The following EHBP1 variants were observed in gnomAD, a reference collection of about 807,000 sequenced individuals.
EHBP1 encodes the protein EH domain-binding protein 1.
In EHBP1, 55 loss-of-function variants were observed where a neutral mutation model predicts 144.0. The ratio of observed to expected loss-of-function variants is 0.38; its 90% CI spans 0.31 to 0.48. The LOEUF is 0.48. Among genes scored for constraint, EHBP1 ranks in the 20% least tolerant of loss-of-function variants. The probability of loss-of-function intolerance (pLI) is 0.98; values close to 1 mark genes in which losing one functional copy is unlikely to be tolerated. For missense variants in EHBP1, 1,200 were observed against 1,364.2 expected (o/e 0.88, Z 1.90); for synonymous variants, 469 against 472.7 (o/e 0.99, Z 0.10).
chr2:62,774,449 A>G (rs1463488242), intron 5 of EHBP1, among the ~76,000 whole-genome samples: 1 of 152,058 alleles, frequency 6.6e-6, no homozygotes, highest in African/African-American at 2.4e-5. Flanking sequence ...CCAAAATTTG[A>G]TATAAGTAGA....
chr2:63,014,625 A>G (rs1387589831), intron 19 of EHBP1, among the ~76,000 whole-genome samples: 5 of 152,220 alleles, frequency 3.3e-5, no homozygotes, highest in African/African-American at 9.6e-5. Flanking sequence ...ATTTCTTACC[A>G]TATCCATCCA....
intron 1 of EHBP1, among the ~76,000 whole-genome samples, chr2:62,686,084 A>G (rs1488683973): frequency 1.3e-5 from 2 of 152,122 alleles, no homozygotes; most frequent in Non-Finnish European, 2.9e-5. Context: ...GTTAATTCCT[A>G]GTTTGACTTT....
chr2:62,731,617 A>G (rs147433460), intron 2 of EHBP1, among the ~76,000 whole-genome samples: 14 of 152,202 alleles, frequency 9.2e-5, no homozygotes, highest in Non-Finnish European at 2.1e-4. Flanking sequence ...CATGAATGGC[A>G]TTGGATTTTG....
chr2:62,772,710 C>T (rs1435082688), intron 5 of EHBP1, among the ~76,000 whole-genome samples: 2 of 152,220 alleles, frequency 1.3e-5, no homozygotes, highest in Non-Finnish European at 2.9e-5. Flanking sequence ...TTAGCTTTTA[C>T]CATTGCCATC....
intron 6 of EHBP1, among the ~76,000 whole-genome samples, chr2:62,829,719 G>GTTTATAATTATTTATAATTA (rs1558746753): frequency 6.9e-6 from 1 of 144,684 alleles, no homozygotes; most frequent in African/African-American, 2.5e-5. Flanking sequence ...ATATAAATAC[G>GTTTATAATTATTTATAATTA]TAATATTTAT....
intron 18 of EHBP1, among the ~76,000 whole-genome samples, chr2:62,995,350 TTAA>T (rs963136842): frequency 2.6e-4 from 40 of 152,044 alleles, no homozygotes; most frequent in African/African-American, 8.9e-4. Context: ...CATAATCAAT[TTAA>T]TAATAAGTTG....
chr2:62,690,188 CTCCT>C (rs1243541338), intron 1 of EHBP1, among the ~76,000 whole-genome samples: 1 of 152,126 alleles, frequency 6.6e-6, no homozygotes, highest in Non-Finnish European at 1.5e-5. Context: ...CTCTGGGTGC[CTCCT>C]TGGGGGTAGC....
At position 62,831,781 on chromosome 2, in the gene EHBP1, A is replaced by G. The variant is rs201586096; in HGVS notation, c.634+623A>G. Among the ~76,000 whole-genome samples, 4 of 152,316 alleles carry G rather than the reference A, an allele frequency of 2.6e-5. No individual in the cohort carries two copies. In the East Asian group the frequency reaches 7.7e-4, roughly 29 times the overall value. ...TGTGAAAATTAAGCACAATTTACAT[A>G]TTCCTTTTAGTTAAATTAATTGCTC... On this transcript the variant is annotated intron_variant, in intron 7 of 22. Transcript: ENST00000431489.
At chr2:62,898,428 ATAT>A (rs1362014766) in intron 10 of EHBP1, among the ~76,000 whole-genome samples, 1 of 152,204 alleles carries the variant, frequency 6.6e-6, no homozygotes, top group Non-Finnish European at 1.5e-5. Context: ...CTTGATGTAT[ATAT>A]TATCTTTCAC....
At chr2:62,697,901 C>A (rs1396813873) in intron 1 of EHBP1, among the ~76,000 whole-genome samples, 1 of 152,230 alleles carries the variant, frequency 6.6e-6, no homozygotes, top group Non-Finnish European at 1.5e-5. Flanking sequence ...CTTGGGCATA[C>A]ATCCATAGCA....
At chr2:62,937,061 CAGAA>C (rs1425193894) in intron 10 of EHBP1, among the ~76,000 whole-genome samples, 2 of 152,202 alleles carry the variant, frequency 1.3e-5, no homozygotes, top group African/African-American at 4.8e-5. Flanking sequence ...GGTTTATTAA[CAGAA>C]AGACTCTTGA....
Position 62,889,249 on chromosome 2 carries a change from GT to G in EHBP1, c.1185+14727del, listed in dbSNP as rs796227782. 1.0e-3 allele frequency among the ~76,000 whole-genome samples: 149 copies of G among 142,072 alleles called. 1 individual carries two copies. The highest frequency in any genetic ancestry group is 3.1e-3 in the South Asian group (14 of 4,460). 93.2% of individuals were successfully genotyped at this position (142,072 alleles called of 152,430 possible). A position where few individuals can be genotyped will look rare whatever the true frequency, so the allele number is the denominator to read the frequency against. On this transcript the variant is annotated intron_variant, in intron 10 of 22. Coordinates refer to ENST00000431489, the MANE Select transcript of EHBP1 (RefSeq NM_001142616.3). ...TTGTTTGGTGTTTTTGTGTGTGTGT[GT>G]TTTTTTTTTGTAAATTTGTTTAAAT... is the stretch of plus-strand genomic sequence containing the variant.
chr2:62,820,166 G>T (rs148128079), intron 5 of EHBP1, among the ~76,000 whole-genome samples: 1 of 147,756 alleles, frequency 6.8e-6, no homozygotes, highest in Non-Finnish European at 1.5e-5. Context: ...AAATGAGATC[G>T]TGCCAATGCG....
intron 19 of EHBP1, among the ~76,000 whole-genome samples, chr2:63,015,145 A>T (rs2060432206): frequency 6.6e-6 from 1 of 152,288 alleles, no homozygotes; most frequent in South Asian, 2.1e-4. Flanking sequence ...ATGTTTCTAT[A>T]TACTGTTCTT....
intron 1 of EHBP1, among the ~76,000 whole-genome samples, chr2:62,699,288 T>C (rs2034202804): frequency 6.6e-6 from 1 of 152,196 alleles, no homozygotes. Flanking sequence ...GTCTACCCCT[T>C]ATAATTTGCC....
chr2:62,770,409 A>G (rs543766046), intron 4 of EHBP1, among the ~76,000 whole-genome samples: 1 of 152,364 alleles, frequency 6.6e-6, no homozygotes, highest in African/African-American at 2.4e-5. Context: ...GCATATGAAA[A>G]AAAGTTCAAC....
At position 62,822,341 on chromosome 2, in the gene EHBP1, T is replaced by C. The variant is rs184563254; in HGVS notation, c.313-3746T>C. On this transcript the variant is annotated intron_variant, in intron 5 of 22. Transcript: ENST00000431489. ...AACCTAGTGGGGGTCCATGCATAAA[T>C]TTTAATTATGTAACTACACTATTTT... 3.7e-3 allele frequency among the ~76,000 whole-genome samples: 558 copies of C among 152,270 alleles called. 4 individuals carry two copies. Among genetic ancestry groups the C allele is most frequent in the African/African-American group, 0.013 (525 of 41,556 alleles).
chr2:63,016,396 A>T (rs1174733021), intron 19 of EHBP1, among the ~76,000 whole-genome samples: 1 of 150,502 alleles, frequency 6.6e-6, no homozygotes, highest in Non-Finnish European at 1.5e-5. Context: ...TCATGCAATT[A>T]TGTGGGGTTT....
chr2:62,865,091 C>A, intron 9 of EHBP1, 120 bp downstream of exon 9: 1 of 1,121,780 alleles, frequency 8.9e-7, no homozygotes, highest in Non-Finnish European at 1.3e-6. Flanking sequence ...AAGTCAGTAT[C>A]TAACTCGTCC....
Sources: allele counts gnomAD v4.1 joint callset (sites outside exome capture counted in the v4.1 genomes callset), GRCh38; gene constraint gnomAD v4.1.1; transcripts MANE v1.5; gene names NCBI Gene and HGNC (gene_info 2026-07-23, HGNC 2026-07-21).